The following CFAP47 variants were observed in gnomAD, a reference collection of about 807,000 sequenced individuals.
CFAP47 encodes the protein cilia and flagella associated protein 47, also known as cilia- and flagella-associated protein 47.
Under a neutral mutation model 148.1 loss-of-function variants are expected in CFAP47, and 29 were observed. The observed-to-expected ratio is 0.20, with a 90% CI of 0.15 to 0.27. The LOEUF is 0.27. CFAP47 is among the 10% of genes least tolerant of loss of function. The pLI, the probability that CFAP47 is intolerant of heterozygous loss-of-function variation, is 1.00. For synonymous variants in CFAP47, 664 were observed against 577.3 expected, an observed-to-expected ratio of 1.15 and a Z score of -2.15; for missense variants, 1,872 against 1,697.5, an observed-to-expected ratio of 1.10 and a Z score of -1.81.
Position 35,951,960 on chromosome X carries a change from C to A in CFAP47, c.1043C>A (p.Pro348Gln). The A allele has an allele frequency of 8.7e-7, 1 of 1,149,537 alleles. No individual in the cohort carries two copies. The highest frequency in any genetic ancestry group is 1.1e-6 in the Non-Finnish European group (1 of 873,189). 94.7% of individuals were successfully genotyped at this position (1,149,537 alleles called of 1,213,427 possible). A position where few individuals can be genotyped will look rare whatever the true frequency, so the allele number is the denominator to read the frequency against. The change falls in exon 6 of 64, where the codon CCA (proline) becomes CAA (glutamine). Residue 348 changes from proline to glutamine, a missense_variant. Physicochemically the swap from Pro to Gln is moderately conservative, Grantham distance 76. Transcript: ENST00000378653. ...ACTGTAATTACATTTTGTTTCACCC[C>A]AAAGTAAGCAAAAATTAATTTCATT... is the stretch of plus-strand genomic sequence containing the variant. ...QKTVITFCFT[P>Q]KLMAVGKKDI...
chrX:36,083,890 G>C (rs1938032836), intron 29 of CFAP47, among the ~76,000 whole-genome samples: 1 of 110,410 alleles, frequency 9.1e-6, no homozygotes, highest in African/African-American at 3.3e-5. Context: ...TTTAATTATG[G>C]TTTTTAATCA....
intron 13 of CFAP47, among the ~76,000 whole-genome samples, chrX:35,973,435 C>T (rs886824804): frequency 5.4e-5 from 6 of 111,622 alleles, no homozygotes; most frequent in African/African-American, 1.6e-4. Context: ...GTGATCCGCC[C>T]GCCTCGGCCT....
chrX:36,005,008 G>GT (rs1165686536), intron 21 of CFAP47, among the ~76,000 whole-genome samples: 44 of 106,276 alleles, frequency 4.1e-4, no homozygotes, highest in Middle Eastern at 4.8e-3. Flanking sequence ...TGTGTTAATG[G>GT]TTTTTTTTTT....
At chrX:36,147,553 G>A (rs1354566218) in intron 36 of CFAP47, among the ~76,000 whole-genome samples, 1 of 112,533 alleles carries the variant, frequency 8.9e-6, no homozygotes, top group Non-Finnish European at 1.9e-5. Flanking sequence ...GCATACATTT[G>A]TATGAATGTA....
At chrX:36,024,086 C>T (rs927865600) in intron 22 of CFAP47, among the ~76,000 whole-genome samples, 2 of 111,872 alleles carry the variant, frequency 1.8e-5, no homozygotes, top group African/African-American at 6.5e-5. Context: ...AGAGTTTCAC[C>T]CAAGGCCCTT....
intron 49 of CFAP47, among the ~76,000 whole-genome samples, chrX:36,278,089 A>G (rs1941037169): frequency 8.9e-6 from 1 of 112,170 alleles, no homozygotes; most frequent in South Asian, 3.7e-4. Flanking sequence ...CAGAGCTCAA[A>G]CACCGTGCTG....
At chrX:35,990,684 T>C (rs1231760444) in intron 16 of CFAP47, among the ~76,000 whole-genome samples, 1 of 111,392 alleles carries the variant, frequency 9.0e-6, no homozygotes, top group African/African-American at 3.3e-5. Flanking sequence ...GTTGTTTAGA[T>C]ACTGTCTAAG....
chrX:36,087,422 T>C (rs1323063646), intron 30 of CFAP47, among the ~76,000 whole-genome samples: 1 of 112,271 alleles, frequency 8.9e-6, no homozygotes, highest in Non-Finnish European at 1.9e-5. Context: ...GATGCAATTT[T>C]GCATTTTCTC....
At position 35,978,283 on chromosome X, in the gene CFAP47, A is replaced by T. The variant is rs150636131; in HGVS notation, c.2713+2370A>T. 5.9e-3 allele frequency among the ~76,000 whole-genome samples: 657 copies of T among 111,464 alleles called. 6 individuals are homozygous for T. Among genetic ancestry groups the T allele is most frequent in the African/African-American group, 0.021 (631 of 30,756 alleles). On this transcript the variant is annotated intron_variant, in intron 15 of 63. Transcript: ENST00000378653. The stretch of plus-strand genomic sequence containing the variant: ...TACTTCTCCTTGTATTAATATTTCT[A>T]TATTCTAACTAGGGAGGAATGGGCT...
At chrX:36,024,641 C>T (rs1163978802) in intron 22 of CFAP47, among the ~76,000 whole-genome samples, 3 of 111,476 alleles carry the variant, frequency 2.7e-5, no homozygotes, top group African/African-American at 9.8e-5. Context: ...CAGTGATTCA[C>T]TTCTGGCTAG....
rs145959069 is a variant in CFAP47 at position 36,029,878 on chromosome X, T to C, written c.3557-1375T>C. Among the ~76,000 whole-genome samples, 592 of 110,768 alleles carry C rather than the reference T, an allele frequency of 5.3e-3. 5 individuals carry two copies. The highest frequency in any genetic ancestry group is 0.018 in the African/African-American group (567 of 30,741). On this transcript the variant is annotated intron_variant, in intron 22 of 63. Transcript: ENST00000378653. ...AAAATCTTATTTTGGCAGTTTTAAA[T>C]TAGCAAGAGTTCTTAGTATTTACTA...
At chrX:36,338,561 C>A (rs1214251027) in intron 57 of CFAP47, among the ~76,000 whole-genome samples, 1 of 111,739 alleles carries the variant, frequency 8.9e-6, no homozygotes, top group Non-Finnish European at 1.9e-5. Context: ...AACAGTTGAT[C>A]CCCAGGAATC....
At chrX:35,931,342 C>CT (rs757577996) in intron 2 of CFAP47, among the ~76,000 whole-genome samples, 2 of 110,575 alleles carry the variant, frequency 1.8e-5, no homozygotes, top group Non-Finnish European at 3.8e-5. Context: ...GCTTTTTGCA[C>CT]TTTTTTTTCT....
intron 35 of CFAP47, among the ~76,000 whole-genome samples, chrX:36,142,782 G>A (rs1939165185): frequency 9.1e-6 from 1 of 110,030 alleles, no homozygotes; most frequent in Non-Finnish European, 1.9e-5. Context: ...CATTTTATGG[G>A]TTACTTACTA....
At chrX:35,975,395 G>A in intron 14 of CFAP47, 32 bp downstream of exon 14, 3 of 904,097 alleles carry the variant, frequency 3.3e-6, no homozygotes, top group Non-Finnish European at 4.8e-6. Flanking sequence ...CTGCTTGTTA[G>A]AATCAAAGTG....
chrX:36,175,675 T>G (rs1939663887), intron 39 of CFAP47, among the ~76,000 whole-genome samples: 1 of 111,942 alleles, frequency 8.9e-6, no homozygotes, highest in South Asian at 3.7e-4. Context: ...CTCCAGCTGC[T>G]TGCTGGGAGA....
At chrX:36,384,506 A>G (rs970160230) in intron 63 of CFAP47, among the ~76,000 whole-genome samples, 8 of 112,089 alleles carry the variant, frequency 7.1e-5, no homozygotes, top group African/African-American at 2.3e-4. Context: ...TGGCGTTCAT[A>G]CTGTACAACA....
chrX:36,280,516 T>G lies in CFAP47; in HGVS notation c.7474T>G (p.Cys2492Gly), dbSNP rs1556003416. ...GTITFSTTRR[C>G]TTRRKHDDYE... ...AATTACATTTTCTACTACAAGAAGA[T>G]GTACTACAAGAAGGAAACATGATGA... The change falls in exon 50 of 64, where the codon TGT becomes GGT. Residue 2492 changes from cysteine (C) to glycine (G), a missense_variant. Physicochemically the swap from Cys to Gly is radical, Grantham distance 159 (BLOSUM62 -3). Transcript: ENST00000378653. 1 of 509,217 alleles carries G rather than the reference T, an allele frequency of 2.0e-6. No individual in the cohort carries two copies. Among genetic ancestry groups the G allele is most frequent in the African/African-American group, 2.3e-5 (1 of 43,744 alleles). The allele number at this position is 509,217 out of a possible 1,213,427, so 42.0% of individuals were successfully genotyped here. A position where few individuals can be genotyped will look rare whatever the true frequency, so the allele number is the denominator to read the frequency against.
intron 1 of CFAP47, among the ~76,000 whole-genome samples, chrX:35,923,960 CAT>C (rs1268380164): frequency 3.2e-5 from 3 of 93,107 alleles, no homozygotes; most frequent in South Asian, 9.3e-4. Context: ...TATATATGTA[CAT>C]ATATGTGTAT....
Sources: gnomAD v4.1 joint callset for allele counts (sites outside exome capture counted in the v4.1 genomes callset) on GRCh38, gnomAD v4.1.1 for gene constraint, MANE v1.5 for transcripts, NCBI Gene and HGNC (gene_info 2026-07-23, HGNC 2026-07-21) for gene names.